The following BMP6 variants were observed in gnomAD, a reference collection of about 807,000 sequenced individuals.
BMP6 encodes the protein bone morphogenetic protein 6.
In BMP6, 17 loss-of-function variants were observed where a neutral mutation model predicts 54.1. That is an observed-to-expected ratio of 0.31 (90% CI 0.22 to 0.47). BMP6 has a LOEUF of 0.47. Ranked by LOEUF, BMP6 falls within the 20% of genes least tolerant of loss-of-function variation. The probability of loss-of-function intolerance (pLI) is 1.00; values close to 1 mark genes in which losing one functional copy is unlikely to be tolerated. For synonymous variants in BMP6, 328 were observed against 291.2 expected (o/e 1.13, Z -1.28); for missense variants, 720 against 690.4 (o/e 1.04, Z -0.48).
chr6:7,742,909 TC>T (rs1426888759), intron 1 of BMP6, among the ~76,000 whole-genome samples: 2 of 152,126 alleles, frequency 1.3e-5, no homozygotes, highest in African/African-American at 4.8e-5. Context: ...CAGAGATCTT[TC>T]CCCCCCTTCT....
intron 1 of BMP6, 41 bp from the exon 2 acceptor site, chr6:7,845,099 A>G: frequency 1.3e-6 from 2 of 1,556,052 alleles, no homozygotes; most frequent in East Asian, 4.5e-5. Flanking sequence ...GCACTTAGTC[A>G]AGTAACAATA....
chr6:7,738,196 A>G (rs1461192901), intron 1 of BMP6, among the ~76,000 whole-genome samples: 1 of 152,180 alleles, frequency 6.6e-6, no homozygotes, highest in Admixed American at 6.5e-5. Context: ...GCCAGAAGTA[A>G]AGAAGCCTGC....
chr6:7,847,994 T>C (rs1419906190), intron 2 of BMP6, among the ~76,000 whole-genome samples: 1 of 152,164 alleles, frequency 6.6e-6, no homozygotes, highest in Non-Finnish European at 1.5e-5. Context: ...AGCAACCTAA[T>C]AGGGAAACAG....
chr6:7,836,284 A>G (rs1198347148), intron 1 of BMP6, among the ~76,000 whole-genome samples: 1 of 152,142 alleles, frequency 6.6e-6, no homozygotes, highest in Non-Finnish European at 1.5e-5. Flanking sequence ...TTTACGATAC[A>G]TGTACTGGAT....
chr6:7,743,694 C>T (rs1397602229), intron 1 of BMP6, among the ~76,000 whole-genome samples: 1 of 152,196 alleles, frequency 6.6e-6, no homozygotes, highest in Non-Finnish European at 1.5e-5. Flanking sequence ...CCTAGCATCA[C>T]TAACCCCAGA....
intron 1 of BMP6, among the ~76,000 whole-genome samples, chr6:7,819,863 C>T (rs938434141): frequency 2.0e-5 from 3 of 152,132 alleles, no homozygotes; most frequent in Non-Finnish European, 2.9e-5. Context: ...AATTGGACTG[C>T]AGTGAGTAAT....
In BMP6 at chr6:7,790,090, A is replaced by G. The variant is rs115943999; in HGVS notation, c.665-55050A>G. Among the ~76,000 whole-genome samples the G allele has an allele frequency of 3.8e-3, 571 of 152,190 alleles. 7 individuals are homozygous for G. Among genetic ancestry groups the G allele is most frequent in the African/African-American group, 0.013 (526 of 41,506 alleles). Reference sequence around the variant, plus strand: ...TTCAGTGTCTGTGGAGGTGTTGTCTAGGGCTGTTCCCTCTGTCCATTTTCT... The same window carrying G: ...TTCAGTGTCTGTGGAGGTGTTGTCTGGGGCTGTTCCCTCTGTCCATTTTCT... On this transcript the variant is annotated intron_variant, in intron 1 of 6. Transcript: ENST00000283147.
At chr6:7,820,549 T>C (rs1758590358) in intron 1 of BMP6, among the ~76,000 whole-genome samples, 2 of 152,212 alleles carry the variant, frequency 1.3e-5, no homozygotes, top group South Asian at 2.1e-4. Flanking sequence ...CCTTATGGCC[T>C]GGGAGCCCTC....
At chr6:7,801,870 C>G (rs1045899176) in intron 1 of BMP6, among the ~76,000 whole-genome samples, 1 of 152,204 alleles carries the variant, frequency 6.6e-6, no homozygotes, top group African/African-American at 2.4e-5. Flanking sequence ...GGCCTGATAT[C>G]AAGCAATATG....
chr6:7,793,827 C>G (rs1290853380), intron 1 of BMP6, among the ~76,000 whole-genome samples: 1 of 152,142 alleles, frequency 6.6e-6, no homozygotes, highest in Non-Finnish European at 1.5e-5. Context: ...TCCAGATATC[C>G]ACGGGCTGTC....
chr6:7,809,788 C>T (rs2326994), intron 1 of BMP6, among the ~76,000 whole-genome samples: 116,500 of 152,170 alleles, frequency 0.77, 44,899 homozygotes, highest in East Asian at 0.99. Context: ...GTTCAGCTTG[C>T]AAAAAAGACT....
At chr6:7,810,935 C>T (rs543873091) in intron 1 of BMP6, among the ~76,000 whole-genome samples, 8 of 152,266 alleles carry the variant, frequency 5.3e-5, no homozygotes, top group Admixed American at 3.3e-4. Context: ...GATTCAAACC[C>T]CGCCACAGCC....
At chr6:7,773,598 A>G (rs1415547549) in intron 1 of BMP6, among the ~76,000 whole-genome samples, 1 of 152,224 alleles carries the variant, frequency 6.6e-6, no homozygotes, top group Admixed American at 6.5e-5. Flanking sequence ...GTTTCCATTC[A>G]ACGTATTTTC....
chr6:7,855,553 C>CTCT lies in BMP6; in HGVS notation c.858-5897_858-5896insCTT, dbSNP rs1554125315. On this transcript the variant is annotated intron_variant, in intron 2 of 6. Transcript: ENST00000283147. Reference sequence around the variant, plus strand: ...TTAATCTCAATCTCTCTCTCTCTCTCTTTTTTTTTTTTTTTTTTTTTTTTT... The same window carrying CTCT: ...TTAATCTCAATCTCTCTCTCTCTCTCTCTTTTTTTTTTTTTTTTTTTTTTTTTT... Among the ~76,000 whole-genome samples the CTCT allele has an allele frequency of 8.8e-4, 92 of 105,072 alleles. 1 individual carries two copies. The highest frequency in any genetic ancestry group is 1.3e-3 in the Non-Finnish European group (70 of 53,002). The allele number at this position is 105,072 out of a possible 152,430, so 68.9% of individuals were successfully genotyped here.
intron 1 of BMP6, among the ~76,000 whole-genome samples, chr6:7,773,025 G>C (rs1402997678): frequency 6.6e-6 from 1 of 152,110 alleles, no homozygotes; most frequent in African/African-American, 2.4e-5. Context: ...CCAGAGTCTT[G>C]GAGGGGACTC....
rs142973538 is a variant in BMP6, at chr6:7,850,804, C to T, written c.857+5472C>T. Among the ~76,000 whole-genome samples the T allele has an allele frequency of 6.5e-4, 99 of 152,212 alleles. 4 individuals carry two copies. In the East Asian group the frequency reaches 0.016, roughly 25 times the overall value. ...GTAGGAGATTGTTGAGACCACAGGG[C>T]GAACCACTGAAGTAGGTCACATAGA... On this transcript the variant is annotated intron_variant, in intron 2 of 6. Transcript: ENST00000283147.
At chr6:7,866,107 G>A (rs988174680) in intron 4 of BMP6, among the ~76,000 whole-genome samples, 1 of 152,212 alleles carries the variant, frequency 6.6e-6, no homozygotes, top group African/African-American at 2.4e-5. Context: ...GGTTTGGATC[G>A]ACGTCTCCCT....
chr6:7,833,904 G>A (rs1027296346), intron 1 of BMP6, among the ~76,000 whole-genome samples: 2 of 152,154 alleles, frequency 1.3e-5, no homozygotes, highest in Non-Finnish European at 2.9e-5. Flanking sequence ...GCTAAAAAAC[G>A]ACAAGATCCA....
In BMP6 at chr6:7,772,683, C is replaced by T. The variant is rs1757806873; in HGVS notation, c.664+45064C>T. Among the ~76,000 whole-genome samples, 3 of 152,156 alleles carry T rather than the reference C, an allele frequency of 2.0e-5. No individual in the cohort carries two copies. The South Asian group carries it at 6.2e-4, about 32-fold the overall frequency. On this transcript the variant is annotated intron_variant, in intron 1 of 6. Coordinates refer to ENST00000283147, the MANE Select transcript of BMP6 (RefSeq NM_001718.6). ...AACCAGGATGCAAGAATCAATGAGACTTCCAAAATTTGGATTTCTTCTCAG... is the reference window on the plus strand; with the variant it reads ...AACCAGGATGCAAGAATCAATGAGATTTCCAAAATTTGGATTTCTTCTCAG...
Sources: allele counts gnomAD v4.1 joint callset (sites outside exome capture counted in the v4.1 genomes callset), GRCh38; gene constraint gnomAD v4.1.1; transcripts MANE v1.5; gene names NCBI Gene and HGNC (gene_info 2026-07-23, HGNC 2026-07-21).